SHANK2: variants seen among roughly 807,000 people sequenced by gnomAD.
SHANK2 encodes the protein SH3 and multiple ankyrin repeat domains 2.
Under a neutral mutation model 133.7 loss-of-function variants are expected in SHANK2, and 43 were observed. The observed-to-expected ratio is 0.32, with a 90% CI of 0.25 to 0.41. SHANK2 has a LOEUF of 0.41. Ranked by LOEUF, SHANK2 falls within the 10% of genes least tolerant of loss-of-function variation. SHANK2 has a pLI of 1.00. For missense variants in SHANK2, 1,994 were observed against 2,235.8 expected (o/e 0.89, Z 2.18); for synonymous variants, 1,017 against 952.8 (o/e 1.07, Z -1.24).
chr11:71,057,163 C>G (rs1950931002), intron 9 of SHANK2, among the ~76,000 whole-genome samples: 1 of 152,064 alleles, frequency 6.6e-6, no homozygotes, highest in Non-Finnish European at 1.5e-5. Flanking sequence ...GGTGAAACCC[C>G]ATCTCTACAA....
chr11:70,725,968 G>A (rs1185622959), intron 14 of SHANK2, among the ~76,000 whole-genome samples: 1 of 152,190 alleles, frequency 6.6e-6, no homozygotes, highest in Non-Finnish European at 1.5e-5. Context: ...CGAAGCAGCT[G>A]GATGCCCAGG....
chr11:71,092,135 G>T (rs782249541), intron 8 of SHANK2, among the ~76,000 whole-genome samples: 1 of 152,216 alleles, frequency 6.6e-6, no homozygotes, highest in Non-Finnish European at 1.5e-5. Flanking sequence ...CCCCATAACT[G>T]CAGGGCACTC....
At position 70,670,463 on chromosome 11, in the gene SHANK2, G is replaced by A. The variant is rs116477373; in HGVS notation, c.1854-8785C>T. Among the ~76,000 whole-genome samples the A allele has an allele frequency of 4.1e-3, 623 of 152,312 alleles. 4 individuals are homozygous for A. Among genetic ancestry groups the A allele is most frequent in the African/African-American group, 0.014 (594 of 41,584 alleles). ...CTCGGGCGCTTTGGCCGCCGGGTGC[G>A]GGCAGCCAGCCCAGCTCACCGTGGC... On this transcript the variant is annotated intron_variant, in intron 15 of 25. Transcript: ENST00000601538.
rs2058605436 is a variant in SHANK2 at position 70,472,302 on chromosome 11, C to T, written c.*567G>A. 6.4e-6 allele frequency: 1 copy of T among 156,642 alleles called. No individual in the cohort carries two copies. Among genetic ancestry groups the T allele is most frequent in the South Asian group, 2.0e-4 (1 of 5,048 alleles). The allele number at this position is 156,642 out of a possible 1,614,324, so 9.7% of individuals were successfully genotyped here. A position where few individuals can be genotyped will look rare whatever the true frequency, so the allele number is the denominator to read the frequency against. On this transcript the variant is annotated 3_prime_UTR_variant, in exon 26 of 26. Transcript: ENST00000601538. The surrounding 1 kb of genome is among the most constrained non-coding windows in gnomAD (Gnocchi z 4.4). ...AGAATCTGTGTAGGAAAAAGTTTCTCTGCCTTTCAGGCCCATGATGGGGCA... is the reference window on the plus strand; with the variant it reads ...AGAATCTGTGTAGGAAAAAGTTTCTTTGCCTTTCAGGCCCATGATGGGGCA...
At chr11:70,852,498 C>T (rs782301711) in intron 11 of SHANK2, among the ~76,000 whole-genome samples, 2 of 152,162 alleles carry the variant, frequency 1.3e-5, no homozygotes, top group African/African-American at 2.4e-5. Context: ...GACACTGCCA[C>T]AGTCTGCACT....
intron 10 of SHANK2, chr11:70,907,720 T>A (rs535255364): frequency 3.5e-6 from 1 of 281,724 alleles, no homozygotes; most frequent in East Asian, 1.0e-4. Flanking sequence ...GAAATCTACA[T>A]AATCATCTTT....
chr11:70,754,537 T>A (rs782252500), intron 14 of SHANK2, among the ~76,000 whole-genome samples: 1 of 152,150 alleles, frequency 6.6e-6, no homozygotes, highest in Non-Finnish European at 1.5e-5. Flanking sequence ...AGAAAAAGCC[T>A]TTGAGGAAAT....
At chr11:70,787,060 C>T (rs1419733108) in intron 14 of SHANK2, among the ~76,000 whole-genome samples, 1 of 151,292 alleles carries the variant, frequency 6.6e-6, no homozygotes, top group East Asian at 1.9e-4. Context: ...CCATGAGCAT[C>T]ACCATCAGCA....
chr11:70,926,978 T>C (rs1950436647), intron 10 of SHANK2, among the ~76,000 whole-genome samples: 1 of 152,146 alleles, frequency 6.6e-6, no homozygotes, highest in African/African-American at 2.4e-5. Context: ...CTCTTCTGCC[T>C]CCTGCTGGGT....
At position 70,486,415 on chromosome 11, in the gene SHANK2, T is replaced by C. The variant is rs1555153576; in HGVS notation, c.3878A>G (p.Asp1293Gly). 1.2e-6 allele frequency: 2 copies of C among 1,614,070 alleles called. No homozygotes were observed. The highest frequency in any genetic ancestry group is 1.7e-6 in the Non-Finnish European group (2 of 1,180,034). Residue 1293 changes from aspartate (D) to glycine (G), a missense_variant, in exon 25 of 26, where the codon GAT (aspartate) becomes GGT (glycine). Coordinates refer to ENST00000601538, the MANE Select transcript of SHANK2 (RefSeq NM_012309.5). The surrounding 1 kb of genome is among the most constrained non-coding windows in gnomAD (Gnocchi z 8.0). The part of the protein sequence containing the change: ...ETDLGRDRKG[D>G]DKKNMLIDIM... ...GTCGATCAGCATGTTCTTCTTGTCA[T>C]CGCCTTTCCGGTCTCGGCCCAGGTC...
intron 17 of SHANK2, chr11:70,634,358 A>G (rs2134106967): frequency 6.6e-6 from 1 of 152,376 alleles, no homozygotes; most frequent in East Asian, 1.9e-4. Flanking sequence ...TCTTGGTAAC[A>G]AAAGCACAGC....
intron 11 of SHANK2, chr11:70,863,408 A>G (rs903199895): frequency 1.5e-5 from 7 of 457,932 alleles, no homozygotes; most frequent in Middle Eastern, 3.2e-4. Flanking sequence ...ACGAGCCCCA[A>G]GCATCCTCTG....
At chr11:70,554,318 G>A (rs2059803521) in intron 17 of SHANK2, among the ~76,000 whole-genome samples, 1 of 152,218 alleles carries the variant, frequency 6.6e-6, no homozygotes, top group South Asian at 2.1e-4. Flanking sequence ...TGCGTGCTCA[G>A]ATGATCACCC....
chr11:70,821,293 C>T lies in SHANK2; in HGVS notation c.1175-611G>A, dbSNP rs138249767. 2.6e-3 allele frequency among the ~76,000 whole-genome samples: 400 copies of T among 152,194 alleles called. 2 individuals are homozygous for T. Among genetic ancestry groups the T allele is most frequent in the African/African-American group, 9.4e-3 (389 of 41,532 alleles). ...ACAGACACACACACAGGGATGACCC[C>T]GTGAGGACACAGGGAGAAGGTGGCA... On this transcript the variant is annotated intron_variant, in intron 11 of 25. Coordinates refer to ENST00000601538, the MANE Select transcript of SHANK2 (RefSeq NM_012309.5).
intron 17 of SHANK2, among the ~76,000 whole-genome samples, chr11:70,644,911 C>T (rs145622485): frequency 6.6e-6 from 1 of 152,270 alleles, no homozygotes; most frequent in African/African-American, 2.4e-5. Flanking sequence ...TATGAACAAG[C>T]AGGAAATTCA....
At chr11:71,129,414 T>C (rs1417533323) in intron 3 of SHANK2, among the ~76,000 whole-genome samples, 1 of 152,168 alleles carries the variant, frequency 6.6e-6, no homozygotes, top group East Asian at 1.9e-4. Flanking sequence ...GTACAGTTCA[T>C]GGTCAAGCTC....
chr11:71,173,976 T>A (rs1256406685), intron 2 of SHANK2, among the ~76,000 whole-genome samples: 2 of 152,234 alleles, frequency 1.3e-5, no homozygotes, highest in Non-Finnish European at 2.9e-5. Flanking sequence ...CCTCCAGAAC[T>A]GTGGGAGTAA....
intron 10 of SHANK2, among the ~76,000 whole-genome samples, chr11:70,933,686 G>A (rs559302275): frequency 2.6e-5 from 4 of 152,004 alleles, no homozygotes; most frequent in South Asian, 4.2e-4. Context: ...TTGGGAGGCC[G>A]AGGCGGATGG....
At chr11:70,869,757 G>T (rs1175494018) in intron 11 of SHANK2, among the ~76,000 whole-genome samples, 2 of 152,146 alleles carry the variant, frequency 1.3e-5, no homozygotes. Flanking sequence ...CCAGACAGGG[G>T]GCTCGACGGG....
Sources: gnomAD v4.1 joint callset for allele counts (sites outside exome capture counted in the v4.1 genomes callset) on GRCh38, gnomAD v4.1.1 for gene constraint, Gnocchi (gnomAD v3.1) non-coding constraint, MANE v1.5 for transcripts, NCBI Gene and HGNC (gene_info 2026-07-23, HGNC 2026-07-21) for gene names.